EPS15L1: variants seen among roughly 807,000 people sequenced by gnomAD.
EPS15L1 encodes epidermal growth factor receptor substrate 15-like 1.
EPS15L1 carries 43 observed loss-of-function variants against 117.1 expected under a neutral mutation model. The ratio of observed to expected loss-of-function variants is 0.37; its 90% CI spans 0.29 to 0.47. The LOEUF (loss-of-function observed/expected upper bound fraction) is 0.47, where lower values mean the gene tolerates loss of function less well. Among genes scored for constraint, EPS15L1 ranks in the 20% least tolerant of loss-of-function variants. EPS15L1 has a pLI of 0.99. For missense variants in EPS15L1, 981 were observed against 1,164.0 expected (o/e 0.84, Z 2.29); for synonymous variants, 459 against 470.5 (o/e 0.98, Z 0.32).
At chr19:16,372,153 C>T (rs1487657332) in intron 22 of EPS15L1, among the ~76,000 whole-genome samples, 1 of 152,186 alleles carries the variant, frequency 6.6e-6, no homozygotes, top group Non-Finnish European at 1.5e-5. Context: ...GGAGACAGAA[C>T]TGAGTATGTG....
In EPS15L1 at chr19:16,400,336, C is replaced by CA. The variant is rs1162302779; in HGVS notation, c.1791+1984dup. Among the ~76,000 whole-genome samples, 584 of 59,716 alleles carry CA rather than the reference C, an allele frequency of 9.8e-3. 3 individuals carry two copies. The highest frequency in any genetic ancestry group is 0.013 in the Non-Finnish European group (386 of 28,666). 39.2% of individuals were successfully genotyped at this position (59,716 alleles called of 152,430 possible). A position where few individuals can be genotyped will look rare whatever the true frequency, so the allele number is the denominator to read the frequency against. ...TGGGAGACAGAGCGAGACTCCGTCT[C>CA]AAAAAAAAAAAAACAAAAACAAAAA... On this transcript the variant is annotated intron_variant, in intron 16 of 23. Coordinates refer to ENST00000455140, the MANE Select transcript of EPS15L1 (RefSeq NM_001258374.3).
intron 19 of EPS15L1, among the ~76,000 whole-genome samples, chr19:16,390,197 T>TAGTGAATAA (rs2092462456): frequency 6.6e-6 from 1 of 152,146 alleles, no homozygotes. Flanking sequence ...ATGTATCATG[T>TAGTGAATAA]AGTGAATAAC....
In EPS15L1 at chr19:16,404,761, T is replaced by C. The variant is rs777239943; in HGVS notation, c.1267-12A>G. 6.2e-7 allele frequency: 1 copy of C among 1,613,620 alleles called. No homozygotes were observed. Among genetic ancestry groups the C allele is most frequent in the Non-Finnish European group, 8.5e-7 (1 of 1,179,816 alleles). On this transcript the variant is annotated splice_polypyrimidine_tract_variant and intron_variant, in intron 13 of 23. Transcript: ENST00000455140. The surrounding 1 kb of genome is among the most constrained non-coding windows in gnomAD (Gnocchi z 4.2). ...TCATTTTGTAATTCCTAGGGAGGAG[T>C]TGCAGGGGTTTACGTGAGGATGGGA...
chr19:16,455,106 G>A (rs1276584547), intron 1 of EPS15L1, among the ~76,000 whole-genome samples: 1 of 151,572 alleles, frequency 6.6e-6, no homozygotes, highest in East Asian at 1.9e-4. Flanking sequence ...TCCAGCCTGG[G>A]CAACAAGAGC....
At chr19:16,412,476 G>T (rs1309329825) in intron 13 of EPS15L1, among the ~76,000 whole-genome samples, 1 of 151,488 alleles carries the variant, frequency 6.6e-6, no homozygotes, top group Non-Finnish European at 1.5e-5. Context: ...CTCCAGCCTG[G>T]CAACAGAGCA....
intron 21 of EPS15L1, among the ~76,000 whole-genome samples, chr19:16,378,828 G>C (rs1473807605): frequency 6.6e-6 from 1 of 152,200 alleles, no homozygotes; most frequent in African/African-American, 2.4e-5. Flanking sequence ...AGAAGGATGA[G>C]TAACCACTCT....
At position 16,471,066 on chromosome 19, in the gene EPS15L1, C is replaced by G. The variant is rs1392082446; in HGVS notation, c.33+847G>C. On this transcript the variant is annotated intron_variant, in intron 1 of 23. Transcript: ENST00000455140. This position sits in a 1 kb window ranked among gnomAD's most constrained non-coding sequence, Gnocchi z 4.8. The stretch of plus-strand genomic sequence containing the variant: ...TCTTAATCACCATGCTGTGCTAGAT[C>G]ATTCTAGCAAAATGCTTATATGGTG... 6.6e-6 allele frequency among the ~76,000 whole-genome samples: 1 copy of G among 152,186 alleles called. No homozygotes were observed. Among genetic ancestry groups the G allele is most frequent in the African/African-American group, 2.4e-5 (1 of 41,446 alleles).
rs764175501 is a variant in EPS15L1 at position 16,371,610 on chromosome 19, C to T, written c.2380+5512G>A. ...GACTGGCTGGTTAGCGGTAGAACTG[C>T]GCTGGCTGGTGTCACCGGGCGCTGC... On this transcript the variant is annotated intron_variant, in intron 22 of 23. Coordinates refer to ENST00000455140, the MANE Select transcript of EPS15L1 (RefSeq NM_001258374.3). The surrounding 1 kb of genome is among the most constrained non-coding windows in gnomAD (Gnocchi z 4.7). Among the ~76,000 whole-genome samples, 11 of 152,156 alleles carry T rather than the reference C, an allele frequency of 7.2e-5. No individual in the cohort carries two copies. Among genetic ancestry groups the T allele is most frequent in the Non-Finnish European group, 1.5e-4 (10 of 68,024 alleles).
intron 19 of EPS15L1, among the ~76,000 whole-genome samples, chr19:16,391,113 C>T (rs1032507870): frequency 2.0e-5 from 3 of 151,856 alleles, no homozygotes; most frequent in African/African-American, 7.3e-5. Context: ...AGTCAGGGAC[C>T]GCCAGTACTA....
Position 16,355,745 on chromosome 19 carries a change from A to T in EPS15L1, c.2693T>A (p.Leu898Gln). The change falls in exon 24 of 24, where the codon CTG becomes CAG. Residue 898 changes from leucine to glutamine, a missense_variant. By Grantham distance (113) the Leu-to-Gln change is moderately radical. Coordinates refer to ENST00000455140, the MANE Select transcript of EPS15L1 (RefSeq NM_001258374.3). ...LRRQEQEDLE[L>Q]AIALSKADMP... ...GTCAGCCTTGCTGAGCGCGATGGCC[A>T]GTTCCAGGTCCTCCTGCTCCTGCCG... is the stretch of plus-strand genomic sequence containing the variant. 6.5e-7 allele frequency: 1 copy of T among 1,536,026 alleles called. No individual in the cohort carries two copies. Among genetic ancestry groups the T allele is most frequent in the Non-Finnish European group, 8.7e-7 (1 of 1,146,810 alleles).
At chr19:16,413,180 T>C (rs1484074392) in intron 13 of EPS15L1, 2 of 657,432 alleles carry the variant, frequency 3.0e-6, no homozygotes, top group Non-Finnish European at 5.6e-6. Flanking sequence ...AGCTCTCCAT[T>C]GTCCCCGTGT....
chr19:16,369,994 C>T (rs961709301), intron 22 of EPS15L1, among the ~76,000 whole-genome samples: 1 of 152,124 alleles, frequency 6.6e-6, no homozygotes, highest in Non-Finnish European at 1.5e-5. Flanking sequence ...GTGCCAATGT[C>T]GCAGACGCCA....
At chr19:16,401,339 G>A in intron 16 of EPS15L1, 1 of 985,278 alleles carries the variant, frequency 1.0e-6, no homozygotes, top group Non-Finnish European at 1.2e-6. Flanking sequence ...ATCAAGCATT[G>A]AACATAAAGA....
At position 16,425,111 on chromosome 19, in the gene EPS15L1, G is replaced by T; in HGVS notation, c.764C>A (p.Ser255Tyr). 1 of 1,614,218 alleles carries T rather than the reference G, an allele frequency of 6.2e-7. No individual in the cohort carries two copies. The highest frequency in any genetic ancestry group is 8.5e-7 in the Non-Finnish European group (1 of 1,180,030). Residue 255 changes from serine (S) to tyrosine (Y), a missense_variant, in exon 9 of 24, where the codon TCC becomes TAC. By Grantham distance (144) the Ser-to-Tyr change is moderately radical. Around this residue, in one of 5 missense-constraint regions of EPS15L1, gnomAD observed 819 missense variants for 949.0 expected, o/e 0.86. Coordinates refer to ENST00000455140, the MANE Select transcript of EPS15L1 (RefSeq NM_001258374.3). ...VSSLNSTGSL[S>Y]PKHSLKQTQP... is the part of the protein sequence containing the mutation. ...TGTTTGCTTGAGGCTGTGCTTGGGG[G>T]ACAGGCTCCCTGTGCTGTTGAGGCT...
chr19:16,464,070 C>T (rs561482530), intron 1 of EPS15L1, among the ~76,000 whole-genome samples: 1 of 152,248 alleles, frequency 6.6e-6, no homozygotes, highest in South Asian at 2.1e-4. Flanking sequence ...CTGATCCAGC[C>T]TGGCTGGTGT....
chr19:16,366,015 A>G (rs796625907), intron 22 of EPS15L1, among the ~76,000 whole-genome samples: 6 of 152,330 alleles, frequency 3.9e-5, no homozygotes, highest in African/African-American at 1.4e-4. Flanking sequence ...GGTTTGCAGG[A>G]AACAGCAATG....
intron 18 of EPS15L1, among the ~76,000 whole-genome samples, chr19:16,393,077 TATAATAATAATAATAATAATA>T (rs149019261): frequency 0.016 from 2,252 of 142,534 alleles, 26 homozygotes; most frequent in Non-Finnish European, 0.022. Flanking sequence ...AGGAGCTGGA[TATAATAATAATAATAATAATA>T]ATAATAATAA....
intron 9 of EPS15L1, 132 bp downstream of exon 9, chr19:16,424,951 G>A (rs761875292): frequency 9.5e-5 from 81 of 848,768 alleles, no homozygotes; most frequent in East Asian, 6.8e-4. Context: ...GTGAGCCACC[G>A]CACCTGGCCA....
At position 16,378,398 on chromosome 19, in the gene EPS15L1, C is replaced by T. The variant is rs148999885; in HGVS notation, c.2248-1144G>A. 3.9e-5 allele frequency among the ~76,000 whole-genome samples: 6 copies of T among 152,212 alleles called. No homozygotes were observed. The East Asian group carries it at 1.2e-3, about 29-fold the overall frequency. ...CTCAGCCTCCTGTTTCCAAGTCCTG[C>T]AACACTCAGGTCTCCTGCTGGGGAA... is the stretch of plus-strand genomic sequence containing the variant. On this transcript the variant is annotated intron_variant, in intron 21 of 23. Coordinates refer to ENST00000455140, the MANE Select transcript of EPS15L1 (RefSeq NM_001258374.3).
Sources: allele counts gnomAD v4.1 joint callset (sites outside exome capture counted in the v4.1 genomes callset), GRCh38; gene constraint gnomAD v4.1.1; regional missense constraint gnomAD v4.1.1; non-coding constraint Gnocchi (gnomAD v3.1); transcripts MANE v1.5; gene names NCBI Gene and HGNC (gene_info 2026-07-23, HGNC 2026-07-21).